Variants in FAF1 observed in about 807,000 individuals in gnomAD.
FAF1 encodes FAS-associated factor 1.
A neutral mutation model predicts 92.5 loss-of-function variants in FAF1; 25 were observed. That is an observed-to-expected ratio of 0.27 (90% CI 0.20 to 0.38). The LOEUF (loss-of-function observed/expected upper bound fraction) is 0.38. Ranked by LOEUF, FAF1 falls within the 10% of genes least tolerant of loss-of-function variation. The probability of loss-of-function intolerance (pLI) is 1.00; values close to 1 mark genes in which losing one functional copy is unlikely to be tolerated. For missense variants in FAF1, 636 were observed against 793.3 expected (o/e 0.80, Z 2.38); for synonymous variants, 234 against 273.2 (o/e 0.86, Z 1.42).
intron 7 of FAF1, among the ~76,000 whole-genome samples, chr1:50,670,210 A>T (rs1461032226): frequency 6.6e-6 from 1 of 151,798 alleles, no homozygotes; most frequent in Admixed American, 6.6e-5. Context: ...GGGGTGAGAT[A>T]GGGGAGGGAC....
chr1:50,578,800 T>C (rs1233498802), intron 12 of FAF1, among the ~76,000 whole-genome samples: 1 of 152,164 alleles, frequency 6.6e-6, no homozygotes, highest in Non-Finnish European at 1.5e-5. Flanking sequence ...AGAAGATGTA[T>C]ACAATCTGCT....
Position 50,819,638 on chromosome 1 carries a change from T to TCACACACACACACA in FAF1, c.115-17975_115-17962dup, listed in dbSNP as rs375892280. Among the ~76,000 whole-genome samples the TCACACACACACACA allele has an allele frequency of 2.0e-3, 199 of 97,818 alleles. 5 individuals are homozygous for TCACACACACACACA. The highest frequency in any genetic ancestry group is 7.7e-3 in the African/African-American group (176 of 22,932). 64.2% of individuals were successfully genotyped at this position (97,818 alleles called of 152,430 possible). A position where few individuals can be genotyped will look rare whatever the true frequency, so the allele number is the denominator to read the frequency against. On this transcript the variant is annotated intron_variant, in intron 2 of 18. Coordinates refer to ENST00000396153, the MANE Select transcript of FAF1 (RefSeq NM_007051.3). ...AAGACTGACCGACTGACTGACTCAC[T>TCACACACACACACA]CACACACACACACACACACACACAC...
intron 3 of FAF1, among the ~76,000 whole-genome samples, chr1:50,789,724 A>G (rs1034949223): frequency 6.7e-6 from 1 of 149,852 alleles, no homozygotes; most frequent in Non-Finnish European, 1.5e-5. Context: ...TCTTCATATC[A>G]TTCTCTTTCT....
At chr1:50,946,271 C>T (rs1033389032) in intron 1 of FAF1, among the ~76,000 whole-genome samples, 1 of 152,218 alleles carries the variant, frequency 6.6e-6, no homozygotes, top group Non-Finnish European at 1.5e-5. Context: ...AGTTGTTACA[C>T]TGGGGAGGAT....
chr1:50,669,500 T>C (rs1317949645), intron 7 of FAF1, among the ~76,000 whole-genome samples: 1 of 152,156 alleles, frequency 6.6e-6, no homozygotes, highest in African/African-American at 2.4e-5. Flanking sequence ...AATTGTCAGA[T>C]GTTGACTATC....
intron 6 of FAF1, among the ~76,000 whole-genome samples, chr1:50,713,836 T>C (rs1161836355): frequency 6.8e-6 from 1 of 147,748 alleles, no homozygotes; most frequent in Non-Finnish European, 1.5e-5. Context: ...TGCAGTGGCA[T>C]GATCTCGGTT....
At chr1:50,773,131 A>G (rs1399369823) in intron 4 of FAF1, among the ~76,000 whole-genome samples, 2 of 152,248 alleles carry the variant, frequency 1.3e-5, no homozygotes, top group Admixed American at 1.3e-4. Context: ...GATTATAAAT[A>G]TGTGAGTATT....
chr1:50,614,546 C>A (rs1039483025), intron 8 of FAF1, among the ~76,000 whole-genome samples: 5 of 151,590 alleles, frequency 3.3e-5, no homozygotes, highest in Admixed American at 1.3e-4. Flanking sequence ...CCTTTAAAAA[C>A]AAAACAAAAT....
chr1:50,849,643 T>C (rs751159977), intron 2 of FAF1, among the ~76,000 whole-genome samples: 7 of 152,190 alleles, frequency 4.6e-5, no homozygotes, highest in Non-Finnish European at 1.0e-4. Context: ...TGACTGACTA[T>C]ATAGGCTACT....
At chr1:50,792,457 C>T (rs1489082845) in intron 3 of FAF1, among the ~76,000 whole-genome samples, 1 of 152,164 alleles carries the variant, frequency 6.6e-6, no homozygotes, top group Admixed American at 6.5e-5. Flanking sequence ...GAAGGCTAGC[C>T]TCCACTTCTG....
At chr1:50,689,743 T>A (rs1656832633) in intron 7 of FAF1, among the ~76,000 whole-genome samples, 1 of 152,230 alleles carries the variant, frequency 6.6e-6, no homozygotes, top group Admixed American at 6.5e-5. Flanking sequence ...CAATGGAATA[T>A]CATTCAGTCT....
chr1:50,882,882 A>G (rs1164488856), intron 1 of FAF1, among the ~76,000 whole-genome samples: 37 of 151,398 alleles, frequency 2.4e-4, no homozygotes, highest in Admixed American at 2.4e-3. Context: ...GACACTCGGG[A>G]GGCTGAGGCA....
At chr1:50,835,021 G>A (rs1378162956) in intron 2 of FAF1, among the ~76,000 whole-genome samples, 1 of 152,144 alleles carries the variant, frequency 6.6e-6, no homozygotes, top group African/African-American at 2.4e-5. Flanking sequence ...CAATAATAAG[G>A]GCAAGCAGTT....
At chr1:50,897,156 T>C (rs747985323) in intron 1 of FAF1, among the ~76,000 whole-genome samples, 2 of 152,054 alleles carry the variant, frequency 1.3e-5, no homozygotes, top group Non-Finnish European at 1.5e-5. Flanking sequence ...TGAAATAAAT[T>C]AAAGAATATA....
chr1:50,756,881 A>G (rs1321797410), intron 4 of FAF1, among the ~76,000 whole-genome samples: 2 of 152,344 alleles, frequency 1.3e-5, no homozygotes, highest in Non-Finnish European at 1.5e-5. Flanking sequence ...CCATAACTCA[A>G]TTACCTCCCA....
At chr1:50,879,396 T>A (rs1644594400) in intron 1 of FAF1, among the ~76,000 whole-genome samples, 1 of 152,064 alleles carries the variant, frequency 6.6e-6, no homozygotes, top group Non-Finnish European at 1.5e-5. Flanking sequence ...GACCATATAT[T>A]CCCTATACTC....
chr1:50,926,187 A>G (rs1247188001), intron 1 of FAF1, among the ~76,000 whole-genome samples: 1 of 152,216 alleles, frequency 6.6e-6, no homozygotes, highest in East Asian at 1.9e-4. Flanking sequence ...ACTGCACTCC[A>G]GCCTGGGCAA....
intron 8 of FAF1, among the ~76,000 whole-genome samples, chr1:50,608,538 A>T (rs1345467200): frequency 6.6e-6 from 1 of 152,152 alleles, no homozygotes; most frequent in Non-Finnish European, 1.5e-5. Context: ...ATCCTAAGAG[A>T]GGCTGCAACA....
At chr1:50,544,179 T>A (rs1480171815) in intron 13 of FAF1, among the ~76,000 whole-genome samples, 1 of 152,212 alleles carries the variant, frequency 6.6e-6, no homozygotes, top group African/African-American at 2.4e-5. Context: ...GGTTCCCATA[T>A]GAGTTTCGGT....
Sources: gnomAD v4.1 joint callset for allele counts (sites outside exome capture counted in the v4.1 genomes callset) on GRCh38, gnomAD v4.1.1 for gene constraint, MANE v1.5 for transcripts, NCBI Gene and HGNC (gene_info 2026-07-23, HGNC 2026-07-21) for gene names.